Variants in CTNNA2 observed in about 807,000 individuals in gnomAD.
CTNNA2 encodes the protein catenin alpha-2.
CTNNA2 carries 42 observed loss-of-function variants against 101.0 expected under a neutral mutation model. The ratio of observed to expected loss-of-function variants is 0.42; its 90% confidence interval spans 0.32 to 0.54. The LOEUF is 0.54. Among genes scored for constraint, CTNNA2 ranks in the 20% least tolerant of loss-of-function variants. The pLI is 0.14. For missense variants in CTNNA2, 871 were observed against 1,223.1 expected, an observed-to-expected ratio of 0.71 and a Z score of 4.29; for synonymous variants, 450 against 456.4, an observed-to-expected ratio of 0.99 and a Z score of 0.18.
chr2:79,314,700 G>A (rs571780963), intron 3 of CTNNA2, among the ~76,000 whole-genome samples: 1 of 152,208 alleles, frequency 6.6e-6, no homozygotes, highest in South Asian at 2.1e-4. Context: ...TGTTCCTTGG[G>A]GCCCCATTTT....
chr2:79,366,173 T>A (rs1474437796), intron 3 of CTNNA2, among the ~76,000 whole-genome samples: 1 of 152,212 alleles, frequency 6.6e-6, no homozygotes, highest in Non-Finnish European at 1.5e-5. Context: ...TTCCCTTTGA[T>A]AATGAAACAA....
At chr2:80,257,387 G>A (rs185662819) in intron 7 of CTNNA2, among the ~76,000 whole-genome samples, 5 of 152,024 alleles carry the variant, frequency 3.3e-5, no homozygotes, top group Non-Finnish European at 7.4e-5. Flanking sequence ...ATAATAATGA[G>A]ACCAACCCTA....
intron 1 of CTNNA2, among the ~76,000 whole-genome samples, chr2:79,524,350 T>G (rs1558697868): frequency 6.6e-6 from 1 of 152,004 alleles, no homozygotes; most frequent in South Asian, 2.1e-4. Flanking sequence ...ATTTTATTCT[T>G]TAATATTTCC....
intron 7 of CTNNA2, among the ~76,000 whole-genome samples, chr2:79,947,008 A>G (rs1262201245): frequency 6.6e-6 from 1 of 152,222 alleles, no homozygotes; most frequent in Non-Finnish European, 1.5e-5. Context: ...AATTATACAC[A>G]CTAAAAATTC....
intron 7 of CTNNA2, among the ~76,000 whole-genome samples, chr2:80,267,188 T>G (rs1673067191): frequency 6.6e-6 from 1 of 152,176 alleles, no homozygotes; most frequent in Non-Finnish European, 1.5e-5. Flanking sequence ...CTCCTCTTCA[T>G]TCTCACTTCC....
intron 2 of CTNNA2, among the ~76,000 whole-genome samples, chr2:79,244,337 T>C (rs529864947): frequency 6.2e-4 from 94 of 152,344 alleles, no homozygotes; most frequent in African/African-American, 2.0e-3. Flanking sequence ...GACAAATGTT[T>C]GGTGCAGCAT....
chr2:80,005,497 T>C (rs908897531), intron 7 of CTNNA2, among the ~76,000 whole-genome samples: 2 of 152,172 alleles, frequency 1.3e-5, no homozygotes, highest in Admixed American at 1.3e-4. Flanking sequence ...TAACATTCGC[T>C]GTTCTTCATT....
intron 2 of CTNNA2, among the ~76,000 whole-genome samples, chr2:79,295,006 TGTGTGTGTATTTGTGTATGC>T (rs900074346): frequency 7.9e-5 from 12 of 151,736 alleles, no homozygotes; most frequent in African/African-American, 2.4e-4. Context: ...TGTGTGTGTG[TGTGTGTGTATTTGTGTATGC>T]GTGTGTGTAT....
upstream of CTNNA2, among the ~76,000 whole-genome samples, chr2:79,511,544 T>C (rs1671541064): frequency 6.6e-6 from 1 of 152,168 alleles, no homozygotes; most frequent in African/African-American, 2.4e-5. Context: ...TGAAACATGG[T>C]TGCGTGCTAA....
chr2:79,860,333 G>A (rs1052070587), intron 4 of CTNNA2, among the ~76,000 whole-genome samples: 1 of 152,070 alleles, frequency 6.6e-6, no homozygotes, highest in Non-Finnish European at 1.5e-5. Context: ...GAGTGATGAT[G>A]GGCTGAATAT....
chr2:79,913,580 G>A (rs1293812569), intron 7 of CTNNA2, among the ~76,000 whole-genome samples: 2 of 152,196 alleles, frequency 1.3e-5, no homozygotes, highest in African/African-American at 4.8e-5. Context: ...CGTAAAAGCA[G>A]GAGGACAGGT....
At chr2:79,567,805 A>G (rs749291411) in intron 1 of CTNNA2, among the ~76,000 whole-genome samples, 13 of 152,088 alleles carry the variant, frequency 8.5e-5, no homozygotes, top group Non-Finnish European at 1.8e-4. Flanking sequence ...ATAATGAATC[A>G]TCAACTTGAA....
At chr2:79,432,819 T>G (rs930889214) in intron 4 of CTNNA2, among the ~76,000 whole-genome samples, 1 of 152,230 alleles carries the variant, frequency 6.6e-6, no homozygotes, top group African/African-American at 2.4e-5. Flanking sequence ...CAAAGGTTTT[T>G]TGTACTTTCA....
chr2:79,983,063 C>T (rs1400851291), intron 7 of CTNNA2, among the ~76,000 whole-genome samples: 3 of 151,296 alleles, frequency 2.0e-5, no homozygotes, highest in Non-Finnish European at 4.4e-5. Context: ...ATCCTGCCCC[C>T]AAATTACACA....
chr2:79,592,546 C>T (rs1676932054), intron 1 of CTNNA2, among the ~76,000 whole-genome samples: 1 of 151,910 alleles, frequency 6.6e-6, no homozygotes, highest in African/African-American at 2.4e-5. Flanking sequence ...GTTTTTTTAA[C>T]TTGTTTAATT....
At chr2:80,506,420 G>C (rs1468024373) in intron 9 of CTNNA2, among the ~76,000 whole-genome samples, 1 of 152,170 alleles carries the variant, frequency 6.6e-6, no homozygotes, top group African/African-American at 2.4e-5. Context: ...AGCTGTTGGA[G>C]GCTGACCTGT....
chr2:80,488,098 T>A (rs1686742486), intron 9 of CTNNA2, among the ~76,000 whole-genome samples: 2 of 152,210 alleles, frequency 1.3e-5, no homozygotes, highest in Non-Finnish European at 2.9e-5. Flanking sequence ...ATTTGCAATT[T>A]TCGAGTTTCC....
At chr2:79,468,884 G>A (rs1239339362) in intron 4 of CTNNA2, among the ~76,000 whole-genome samples, 1 of 152,158 alleles carries the variant, frequency 6.6e-6, no homozygotes, top group Non-Finnish European at 1.5e-5. Flanking sequence ...AAAGCAGTGT[G>A]TAGAGGGAAA....
At chr2:79,365,360 C>T (rs961676803) in intron 3 of CTNNA2, among the ~76,000 whole-genome samples, 1 of 152,052 alleles carries the variant, frequency 6.6e-6, no homozygotes. Context: ...TGGTGTCTCA[C>T]ACCTGTAATC....
Sources: gnomAD v4.1 joint callset for allele counts (sites outside exome capture counted in the v4.1 genomes callset) on GRCh38, gnomAD v4.1.1 for gene constraint, MANE v1.5 for transcripts, NCBI Gene and HGNC (gene_info 2026-07-23, HGNC 2026-07-21) for gene names.